SH3GL2: variants seen among roughly 807,000 people sequenced by gnomAD.
The protein encoded by SH3GL2 is SH3 domain containing GRB2 like 2, endophilin A1.
Under a neutral mutation model 46.0 loss-of-function variants are expected in SH3GL2, and 24 were observed. That is an observed-to-expected ratio of 0.52 (90% CI 0.38 to 0.73). SH3GL2 has a LOEUF of 0.73. Ranked by LOEUF, SH3GL2 falls within the 30% of genes least tolerant of loss-of-function variation. SH3GL2 has a pLI of 0.00. For synonymous variants in SH3GL2, 196 were observed against 147.1 expected (o/e 1.33, Z -2.40); for missense variants, 413 against 424.2 (o/e 0.97, Z 0.23).
At chr9:17,587,621 T>C (rs2134541653) in intron 1 of SH3GL2, among the ~76,000 whole-genome samples, 1 of 152,218 alleles carries the variant, frequency 6.6e-6, no homozygotes, top group East Asian at 1.9e-4. Flanking sequence ...CTCATGCCTG[T>C]AATCCCCGCA....
intron 7 of SH3GL2, among the ~76,000 whole-genome samples, chr9:17,792,801 C>T (rs1157563388): frequency 6.6e-6 from 1 of 152,206 alleles, no homozygotes; most frequent in African/African-American, 2.4e-5. Flanking sequence ...CCCTGTGTTC[C>T]TGTGGCACTT....
At chr9:17,686,854 G>T in intron 1 of SH3GL2, among the ~76,000 whole-genome samples, 1 of 150,484 alleles carries the variant, frequency 6.6e-6, no homozygotes, top group East Asian at 2.0e-4. Flanking sequence ...ACGAGTTAGT[G>T]GGTGCAGCGC....
intron 2 of SH3GL2, among the ~76,000 whole-genome samples, chr9:17,759,636 GACAA>G (rs1392822717): frequency 6.6e-6 from 1 of 152,070 alleles, no homozygotes; most frequent in East Asian, 1.9e-4. Flanking sequence ...AACAGTTTCT[GACAA>G]ACAGAAGACA....
At chr9:17,697,026 C>T (rs1821220450) in intron 1 of SH3GL2, among the ~76,000 whole-genome samples, 1 of 150,812 alleles carries the variant, frequency 6.6e-6, no homozygotes, top group South Asian at 2.1e-4. Flanking sequence ...AGTGTTGGAA[C>T]CTTGATACTG....
At chr9:17,597,741 C>G (rs977628370) in intron 1 of SH3GL2, among the ~76,000 whole-genome samples, 1 of 152,074 alleles carries the variant, frequency 6.6e-6, no homozygotes, top group African/African-American at 2.4e-5. Context: ...ATGGAACTAT[C>G]CATTAATAAG....
At chr9:17,700,948 G>A (rs1206197760) in intron 1 of SH3GL2, among the ~76,000 whole-genome samples, 17 of 152,202 alleles carry the variant, frequency 1.1e-4, no homozygotes, top group Non-Finnish European at 2.9e-5. Flanking sequence ...TCTTAGAGAG[G>A]TGGATGGACC....
intron 1 of SH3GL2, among the ~76,000 whole-genome samples, chr9:17,588,286 G>C (rs530096834): frequency 6.6e-6 from 1 of 152,188 alleles, no homozygotes; most frequent in Non-Finnish European, 1.5e-5. Context: ...TGCTACGATT[G>C]TTGGTGACTC....
In SH3GL2 at chr9:17,747,174, A is replaced by G. The variant is rs762881295; in HGVS notation, c.114+40A>G. On this transcript the variant is annotated intron_variant, in intron 2 of 8. Transcript: ENST00000380607. Reference sequence around the variant, plus strand: ...CTGCCTAGTGTTCCCTTTGACATAAACATGTCTACCATAATTAGAGGAGAA... The same window carrying G: ...CTGCCTAGTGTTCCCTTTGACATAAGCATGTCTACCATAATTAGAGGAGAA... 4.5e-6 allele frequency: 6 copies of G among 1,335,178 alleles called. No individual in the cohort carries two copies. In the Admixed American group the frequency reaches 5.4e-5, roughly 12 times the overall value. 82.7% of individuals were successfully genotyped at this position (1,335,178 alleles called of 1,614,324 possible).
intron 1 of SH3GL2, among the ~76,000 whole-genome samples, chr9:17,604,172 C>A (rs896426766): frequency 3.3e-5 from 5 of 152,034 alleles, no homozygotes; most frequent in Non-Finnish European, 7.4e-5. Context: ...AGGTATTTAC[C>A]CCCTCCTGCG....
intron 1 of SH3GL2, among the ~76,000 whole-genome samples, chr9:17,607,109 C>G (rs1484704715): frequency 1.3e-5 from 2 of 152,168 alleles, no homozygotes; most frequent in Non-Finnish European, 2.9e-5. Context: ...TACAGTCATG[C>G]ATCAGGTAAC....
chr9:17,709,615 G>A (rs1196810864), intron 1 of SH3GL2, among the ~76,000 whole-genome samples: 2 of 150,130 alleles, frequency 1.3e-5, no homozygotes, highest in South Asian at 4.2e-4. Flanking sequence ...TAAAGAAAAC[G>A]TTTCTCATTA....
At chr9:17,790,332 G>A (rs748710499) in intron 6 of SH3GL2, 2 of 436,870 alleles carry the variant, frequency 4.6e-6, no homozygotes, top group Non-Finnish European at 6.1e-6. Flanking sequence ...TGCTTTACCA[G>A]CTATCTGGGG....
chr9:17,701,448 T>C (rs1442595938), intron 1 of SH3GL2, among the ~76,000 whole-genome samples: 1 of 152,032 alleles, frequency 6.6e-6, no homozygotes, highest in Non-Finnish European at 1.5e-5. Context: ...GTGTATCATT[T>C]GGGGCCTCTT....
chr9:17,757,770 T>G (rs1480058042), intron 2 of SH3GL2, among the ~76,000 whole-genome samples: 1 of 152,348 alleles, frequency 6.6e-6, no homozygotes, highest in East Asian at 1.9e-4. Context: ...CTAGTTATAA[T>G]AAGTTACTTA....
intron 1 of SH3GL2, among the ~76,000 whole-genome samples, chr9:17,687,491 T>A (rs1001657027): frequency 6.6e-6 from 1 of 151,638 alleles, no homozygotes; most frequent in Non-Finnish European, 1.5e-5. Flanking sequence ...CAAACTTTTT[T>A]AAGTGCAGCA....
intron 1 of SH3GL2, among the ~76,000 whole-genome samples, chr9:17,580,573 G>A (rs1818258370): frequency 6.6e-6 from 1 of 152,122 alleles, no homozygotes. Flanking sequence ...CTGTAAAAAT[G>A]TTTCTTAATG....
intron 1 of SH3GL2, among the ~76,000 whole-genome samples, chr9:17,691,696 A>G (rs929991210): frequency 3.3e-5 from 5 of 152,180 alleles, no homozygotes; most frequent in Non-Finnish European, 5.9e-5. Context: ...AAGATTTTAC[A>G]CTAACATAGT....
At chr9:17,589,041 A>G (rs958764151) in intron 1 of SH3GL2, 1 of 152,200 alleles carries the variant, frequency 6.6e-6, no homozygotes, top group African/African-American at 2.4e-5. Context: ...GTGTGTCTGT[A>G]TATTAATCTA....
At chr9:17,751,908 G>T (rs1489705199) in intron 2 of SH3GL2, among the ~76,000 whole-genome samples, 1 of 152,160 alleles carries the variant, frequency 6.6e-6, no homozygotes, top group Non-Finnish European at 1.5e-5. Flanking sequence ...GATGAGCTTT[G>T]AAGACATCTT....
Sources: allele counts gnomAD v4.1 joint callset (sites outside exome capture counted in the v4.1 genomes callset), GRCh38; gene constraint gnomAD v4.1.1; transcripts MANE v1.5; gene names NCBI Gene and HGNC (gene_info 2026-07-23, HGNC 2026-07-21).